Variants in CRTC1 observed in about 807,000 individuals in gnomAD.
CRTC1 encodes the protein CREB regulated transcription coactivator 1.
A neutral mutation model predicts 66.1 loss-of-function variants in CRTC1; 18 were observed. The ratio of observed to expected loss-of-function variants is 0.27; its 90% CI spans 0.19 to 0.40. The LOEUF (loss-of-function observed/expected upper bound fraction) is 0.40, where lower values mean the gene tolerates loss of function less well. Among genes scored for constraint, CRTC1 ranks in the 10% least tolerant of loss-of-function variants. CRTC1 has a pLI of 1.00. For missense variants in CRTC1, 669 were observed against 887.9 expected, an observed-to-expected ratio of 0.75 and a Z score of 3.13; for synonymous variants, 416 against 398.8, an observed-to-expected ratio of 1.04 and a Z score of -0.51.
In CRTC1 at chr19:18,745,920, C is replaced by T. The variant is rs1245491617; in HGVS notation, c.341C>T (p.Pro114Leu). The change falls in exon 3 of 14, where the codon CCA (proline) becomes CTA (leucine). Residue 114 changes from proline to leucine, a missense_variant. This residue lies in a region of CRTC1 where 214 missense variants were observed against 323.4 expected (regional missense o/e 0.66). Coordinates refer to ENST00000321949, the MANE Select transcript of CRTC1 (RefSeq NM_015321.3). The stretch of plus-strand genomic sequence containing the variant: ...CGGGAGCGTGGCCGGCTCGGCTCCC[C>T]ACACCGCCGGCCCCTGTCAGTGGAC... ...VYRERGRLGS[P>L]HRRPLSVDKH... The T allele has an allele frequency of 1.2e-6, 2 of 1,612,742 alleles. No individual in the cohort carries two copies. Among genetic ancestry groups the T allele is most frequent in the Admixed American group, 1.7e-5 (1 of 59,964 alleles).
chr19:18,689,949 G>C (rs897012755), intron 1 of CRTC1, among the ~76,000 whole-genome samples: 2 of 151,976 alleles, frequency 1.3e-5, no homozygotes, highest in African/African-American at 4.8e-5. Context: ...AGTGGGATGG[G>C]TGTGGTGTGA....
At chr19:18,695,804 G>A (rs2052972220) in intron 1 of CRTC1, among the ~76,000 whole-genome samples, 1 of 152,194 alleles carries the variant, frequency 6.6e-6, no homozygotes, top group South Asian at 2.1e-4. Context: ...GGCAGAGCTT[G>A]CGGTGAGCCG....
intron 5 of CRTC1, among the ~76,000 whole-genome samples, chr19:18,751,222 A>G (rs1041088260): frequency 1.3e-5 from 2 of 152,196 alleles, no homozygotes; most frequent in Non-Finnish European, 2.9e-5. Flanking sequence ...TGCAACAGGC[A>G]TAAAGAAAAT....
At chr19:18,740,461 A>G (rs903655370) in intron 1 of CRTC1, among the ~76,000 whole-genome samples, 1 of 152,130 alleles carries the variant, frequency 6.6e-6, no homozygotes, top group Non-Finnish European at 1.5e-5. Flanking sequence ...CTCATGGCCA[A>G]CCTGTCTCTA....
Position 18,742,999 on chromosome 19 carries a change from G to C in CRTC1, c.216G>C (p.Gly72=). 6.2e-7 allele frequency: 1 copy of C among 1,613,106 alleles called. No individual in the cohort carries two copies. The highest frequency in any genetic ancestry group is 8.5e-7 in the Non-Finnish European group (1 of 1,179,808). ...GGSLPNVNQI[G]SGTMDLPFQT... ...CCCTGCCCAACGTGAACCAGATCGG[G>C]AGTGGCACCATGGACCTGCCCTTCC... The change falls in exon 2 of 14, where the codon GGG becomes GGC. Residue 72 remains glycine, a synonymous_variant. Coordinates refer to ENST00000321949, the MANE Select transcript of CRTC1 (RefSeq NM_015321.3).
At chr19:18,730,095 G>A (rs1472244357) in intron 1 of CRTC1, among the ~76,000 whole-genome samples, 6 of 152,164 alleles carry the variant, frequency 3.9e-5, no homozygotes, top group Non-Finnish European at 8.8e-5. Flanking sequence ...CTTATGTCCT[G>A]TCCAAGGCCG....
At position 18,780,981 on chromosome 19, in the gene CRTC1, C is replaced by T. The variant is rs2055091059; in HGVS notation, c.*3599C>T. ...GTTTTCTGTATTTCCAAGGAGCCCT[C>T]CGACCAGGGAGAGGCTGGTGGAGTA... is the stretch of plus-strand genomic sequence containing the variant. On this transcript the variant is annotated 3_prime_UTR_variant, in exon 14 of 14. Transcript: ENST00000321949. The T allele has an allele frequency of 4.5e-6, 1 of 224,440 alleles. No individual in the cohort carries two copies. The highest frequency in any genetic ancestry group is 8.9e-6 in the Non-Finnish European group (1 of 112,598). 13.9% of individuals were successfully genotyped at this position (224,440 alleles called of 1,614,324 possible).
chr19:18,704,147 AG>A (rs1365919835), intron 1 of CRTC1, among the ~76,000 whole-genome samples: 1 of 152,164 alleles, frequency 6.6e-6, no homozygotes, highest in African/African-American at 2.4e-5. Flanking sequence ...TATTTAAAAT[AG>A]GGATCTGCCT....
At chr19:18,761,411 G>T (rs946166651) in intron 8 of CRTC1, among the ~76,000 whole-genome samples, 3 of 152,076 alleles carry the variant, frequency 2.0e-5, no homozygotes, top group Non-Finnish European at 4.4e-5. Flanking sequence ...TGCACTGGGG[G>T]TGGGGGTGAC....
chr19:18,695,458 C>T (rs1420148544), intron 1 of CRTC1, among the ~76,000 whole-genome samples: 2 of 152,124 alleles, frequency 1.3e-5, no homozygotes, highest in Non-Finnish European at 2.9e-5. Context: ...CACTTGGGGC[C>T]GATTCTGCCC....
intron 13 of CRTC1, 128 bp downstream of exon 13, chr19:18,775,949 G>T (rs2054979071): frequency 3.1e-6 from 3 of 956,240 alleles, no homozygotes; most frequent in Admixed American, 3.1e-5. Flanking sequence ...GCTTGATGGG[G>T]GCCTGAGGAG....
chr19:18,707,138 C>G (rs1470163875), intron 1 of CRTC1, among the ~76,000 whole-genome samples: 5 of 152,142 alleles, frequency 3.3e-5, no homozygotes, highest in Non-Finnish European at 5.9e-5. Context: ...AGCTTTTCCT[C>G]TGTTTTCTTC....
chr19:18,757,128 A>T (rs2054507185), intron 6 of CRTC1, among the ~76,000 whole-genome samples: 1 of 152,266 alleles, frequency 6.6e-6, no homozygotes, highest in South Asian at 2.1e-4. Flanking sequence ...GATAATCCTG[A>T]AAGAACTCAG....
rs747988042 is a variant in CRTC1 at position 18,777,121 on chromosome 19, C to T, written c.1694-50C>T. ...GCCTGGTCCGACACATGGATGCGAG[C>T]GATGGAGCCAGGGCTAAGCAGTGCC... On this transcript the variant is annotated intron_variant, in intron 13 of 13. Coordinates refer to ENST00000321949, the MANE Select transcript of CRTC1 (RefSeq NM_015321.3). This position sits in a 1 kb window ranked among gnomAD's most constrained non-coding sequence, Gnocchi z 5.5. The T allele has an allele frequency of 7.6e-6, 8 of 1,048,062 alleles. No homozygotes were observed. Among genetic ancestry groups the T allele is most frequent in the East Asian group, 2.4e-5 (1 of 42,024 alleles). 64.9% of individuals were successfully genotyped at this position (1,048,062 alleles called of 1,614,324 possible).
At position 18,746,011 on chromosome 19, in the gene CRTC1, G is replaced by A. The variant is rs368313820; in HGVS notation, c.381+51G>A. 178 of 1,556,176 alleles carry A rather than the reference G, an allele frequency of 1.1e-4. No homozygotes were observed. In the African/African-American group the frequency reaches 1.2e-3, roughly 10 times the overall value. ...GTGGGGGCCAGGCCCTGTCGGTGCC[G>A]GCAGGACCCCAAGTTTACCCAGCAG... On this transcript the variant is annotated intron_variant, in intron 3 of 13. Coordinates refer to ENST00000321949, the MANE Select transcript of CRTC1 (RefSeq NM_015321.3).
chr19:18,698,947 G>A (rs941753520), intron 1 of CRTC1, among the ~76,000 whole-genome samples: 1 of 151,754 alleles, frequency 6.6e-6, no homozygotes, highest in Non-Finnish European at 1.5e-5. Context: ...CGCTCAGCAG[G>A]TGCATAATGT....
intron 2 of CRTC1, among the ~76,000 whole-genome samples, chr19:18,745,052 G>A (rs1339303743): frequency 6.6e-6 from 1 of 152,224 alleles, no homozygotes; most frequent in East Asian, 1.9e-4. Flanking sequence ...CCAGTCAGAT[G>A]GCAAGTGGGC....
At chr19:18,767,604 G>A (rs1039394254) in intron 9 of CRTC1, among the ~76,000 whole-genome samples, 2 of 151,954 alleles carry the variant, frequency 1.3e-5, no homozygotes, top group African/African-American at 2.4e-5. Context: ...ATTTCTCCCC[G>A]CCCCTCGGCC....
At chr19:18,765,124 G>T (rs2054699798) in intron 8 of CRTC1, among the ~76,000 whole-genome samples, 1 of 152,168 alleles carries the variant, frequency 6.6e-6, no homozygotes, top group Non-Finnish European at 1.5e-5. Context: ...CCCATCTGGG[G>T]GCCAATCTTA....
Sources: gnomAD v4.1 joint callset for allele counts (sites outside exome capture counted in the v4.1 genomes callset) on GRCh38, gnomAD v4.1.1 for gene constraint, gnomAD v4.1.1 regional missense constraint, Gnocchi (gnomAD v3.1) non-coding constraint, MANE v1.5 for transcripts, NCBI Gene and HGNC (gene_info 2026-07-23, HGNC 2026-07-21) for gene names.